DUSP5: variants seen among roughly 807,000 people sequenced by gnomAD.
DUSP5 encodes dual specificity protein phosphatase 5.
In DUSP5, 22 loss-of-function variants were observed where a neutral mutation model predicts 33.6. The ratio of observed to expected loss-of-function variants is 0.66; its 90% CI spans 0.47 to 0.94. The LOEUF (loss-of-function observed/expected upper bound fraction) is 0.94, where lower values mean the gene tolerates loss of function less well. Among genes scored for constraint, DUSP5 ranks in the 40% least tolerant of loss-of-function variants. DUSP5 has a pLI of 0.00. For synonymous variants in DUSP5, 270 were observed against 231.1 expected (o/e 1.17, Z -1.53); for missense variants, 551 against 522.1 (o/e 1.06, Z -0.54).
Position 110,498,526 on chromosome 10 carries a change from C to T in DUSP5, c.379+26C>T, listed in dbSNP as rs771206557. The T allele has an allele frequency of 2.8e-6, 4 of 1,440,452 alleles. No homozygotes were observed. The South Asian group carries it at 5.6e-5, about 20-fold the overall frequency. The allele number at this position is 1,440,452 out of a possible 1,614,324, so 89.2% of individuals were successfully genotyped here. ...GTGAGCGCTCGGGGTCCCTGCCACG[C>T]TCGCCCCTCCGGCGCCCCCGGGTCC... is the stretch of plus-strand genomic sequence containing the variant. On this transcript the variant is annotated intron_variant, in intron 1 of 3. Transcript: ENST00000369583.
chr10:110,510,027 C>G lies in DUSP5; in HGVS notation c.756C>G (p.Val252=). 6.3e-7 allele frequency: 1 copy of G among 1,595,520 alleles called. No homozygotes were observed. The highest frequency in any genetic ancestry group is 8.6e-7 in the Non-Finnish European group (1 of 1,167,284). ...ATCTTTTCTTCCTTCCAGACTGTGT[C>G]AGGGAAAAGGGAGGCAAGGTCCTGG... is the stretch of plus-strand genomic sequence containing the variant. ...FQEAIDFIDC[V]REKGGKVLVH... Residue 252 remains valine (V), a synonymous_variant, in exon 4 of 4, where the codon GTC becomes GTG. Transcript: ENST00000369583.
chr10:110,499,450 G>A (rs1860011315), intron 1 of DUSP5, among the ~76,000 whole-genome samples: 2 of 152,216 alleles, frequency 1.3e-5, no homozygotes, highest in African/African-American at 4.8e-5. Context: ...AGAGATGAGG[G>A]TTTAGCCCCA....
chr10:110,504,370 C>T (rs185792953), intron 2 of DUSP5, among the ~76,000 whole-genome samples: 2 of 152,272 alleles, frequency 1.3e-5, no homozygotes, highest in South Asian at 2.1e-4. Flanking sequence ...TTGGCTTCTT[C>T]CTCTTGGTCT....
chr10:110,502,337 C>G (rs757575426), intron 1 of DUSP5, among the ~76,000 whole-genome samples: 5 of 152,180 alleles, frequency 3.3e-5, no homozygotes, highest in Non-Finnish European at 5.9e-5. Flanking sequence ...CCTGTCTTCT[C>G]GCCAATTAAT....
chr10:110,505,537 G>A (rs1050488213), intron 2 of DUSP5, among the ~76,000 whole-genome samples: 1 of 152,200 alleles, frequency 6.6e-6, no homozygotes, highest in African/African-American at 2.4e-5. Context: ...CGGGTGTGGG[G>A]TAAATTGAGA....
In DUSP5 at chr10:110,498,401, C is replaced by A. The variant is rs1258482062; in HGVS notation, c.280C>A (p.Arg94Ser). 2 of 1,514,558 alleles carry A rather than the reference C, an allele frequency of 1.3e-6. No homozygotes were observed. Among genetic ancestry groups the A allele is most frequent in the African/African-American group, 1.4e-5 (1 of 70,008 alleles). The allele number at this position is 1,514,558 out of a possible 1,614,324, so 93.8% of individuals were successfully genotyped here. Reference sequence around the variant, plus strand: ...CGTGGTGGTGCTGGACCAGGGCAGCCGCCACTGGCAGAAGCTGCGAGAGGA... The same window carrying A: ...CGTGGTGGTGCTGGACCAGGGCAGCAGCCACTGGCAGAAGCTGCGAGAGGA... ...AAVVVLDQGSRHWQKLREESA... is the reference protein window; with the variant it reads ...AAVVVLDQGSSHWQKLREESA... Residue 94 changes from arginine to serine, a missense_variant, in exon 1 of 4, where the codon CGC becomes AGC. Transcript: ENST00000369583.
rs377566700 is a variant in DUSP5 at position 110,502,818 on chromosome 10, C to G, written c.477C>G (p.Ser159Arg). Residue 159 changes from serine (S) to arginine (R), a missense_variant, in exon 2 of 4, where the codon AGC becomes AGG. Coordinates refer to ENST00000369583, the MANE Select transcript of DUSP5 (RefSeq NM_004419.4). ...EKIESERALI[S>R]QCGKPVVNVS... ...TTGAGAGTGAGAGAGCCCTCATCAGCCAGTGTGGAAAACCAGTGGTAAATG... is the reference window on the plus strand; with the variant it reads ...TTGAGAGTGAGAGAGCCCTCATCAGGCAGTGTGGAAAACCAGTGGTAAATG... The G allele has an allele frequency of 5.6e-6, 9 of 1,614,116 alleles. No homozygotes were observed. Among genetic ancestry groups the G allele is most frequent in the Non-Finnish European group, 7.6e-6 (9 of 1,180,020 alleles).
At chr10:110,504,784 C>T (rs1157526742) in intron 2 of DUSP5, among the ~76,000 whole-genome samples, 1 of 152,230 alleles carries the variant, frequency 6.6e-6, no homozygotes, top group African/African-American at 2.4e-5. Flanking sequence ...GTTCATTCTT[C>T]AATCTCTATG....
intron 2 of DUSP5, among the ~76,000 whole-genome samples, chr10:110,506,471 A>G (rs1199453284): frequency 6.6e-6 from 1 of 152,152 alleles, no homozygotes; most frequent in African/African-American, 2.4e-5. Flanking sequence ...TAAAATGTCA[A>G]GGCTGTAAAG....
chr10:110,504,426 T>G (rs1199139130), intron 2 of DUSP5, among the ~76,000 whole-genome samples: 30 of 152,186 alleles, frequency 2.0e-4, no homozygotes, highest in Admixed American at 2.0e-3. Context: ...CAGGGGTGTG[T>G]TGGGCTGAGC....
intron 1 of DUSP5, among the ~76,000 whole-genome samples, chr10:110,499,450 G>T (rs1860011315): frequency 6.6e-6 from 1 of 152,334 alleles, no homozygotes; most frequent in South Asian, 2.1e-4. Context: ...AGAGATGAGG[G>T]TTTAGCCCCA....
In DUSP5 at chr10:110,498,129, T is replaced by A; in HGVS notation, c.8T>A (p.Val3Asp). ...GCCGGCGGCGGCGGCGGCATGAAGGTCACGTCGCTCGACGGGCGCCAGCTG... is the reference window on the plus strand; with the variant it reads ...GCCGGCGGCGGCGGCGGCATGAAGGACACGTCGCTCGACGGGCGCCAGCTG... MK[V>D]TSLDGRQLRK... Residue 3 changes from valine (V) to aspartate (D), a missense_variant, in exon 1 of 4, where the codon GTC becomes GAC. Val to Asp is a radical substitution (Grantham distance 152). Around this residue, in one of 3 missense-constraint regions of DUSP5, gnomAD observed 381 missense variants for 310.4 expected, o/e 1.23. Coordinates refer to ENST00000369583, the MANE Select transcript of DUSP5 (RefSeq NM_004419.4). The A allele has an allele frequency of 7.0e-7, 1 of 1,427,334 alleles. No homozygotes were observed. The highest frequency in any genetic ancestry group is 9.2e-7 in the Non-Finnish European group (1 of 1,083,660). The allele number at this position is 1,427,334 out of a possible 1,614,324, so 88.4% of individuals were successfully genotyped here.
chr10:110,509,918 A>T, intron 3 of DUSP5, 102 bp from the exon 4 acceptor site: 1 of 1,460,492 alleles, frequency 6.8e-7, no homozygotes, highest in African/African-American at 1.4e-5. Context: ...GGCAGGCACA[A>T]CAGTTTCATA....
Position 110,507,012 on chromosome 10 carries a change from C to T in DUSP5, c.606C>T (p.Asn202=), listed in dbSNP as rs1280754036. The T allele has an allele frequency of 6.2e-6, 10 of 1,614,184 alleles. No individual in the cohort carries two copies. The highest frequency in any genetic ancestry group is 1.1e-5 in the South Asian group (1 of 91,096). The part of the protein sequence containing the change: ...YHASKCEFLA[N]LHITALLNVS... The stretch of plus-strand genomic sequence containing the variant: ...CATCCAAGTGCGAGTTCCTCGCCAA[C>T]CTGCACATCACAGCCCTGCTGAATG... The change falls in exon 3 of 4, where the codon AAC becomes AAT. Residue 202 remains asparagine, a synonymous_variant. Coordinates refer to ENST00000369583, the MANE Select transcript of DUSP5 (RefSeq NM_004419.4).
At chr10:110,504,891 T>C (rs970253689) in intron 2 of DUSP5, among the ~76,000 whole-genome samples, 4 of 152,354 alleles carry the variant, frequency 2.6e-5, no homozygotes, top group Non-Finnish European at 4.4e-5. Flanking sequence ...ATCCCCAGTT[T>C]AGAGACAAAG....
intron 1 of DUSP5, among the ~76,000 whole-genome samples, chr10:110,498,899 C>T (rs1446925946): frequency 6.6e-6 from 1 of 152,118 alleles, no homozygotes; most frequent in Non-Finnish European, 1.5e-5. Context: ...CAGCAGGTCG[C>T]GATCCACTCT....
intron 3 of DUSP5, among the ~76,000 whole-genome samples, chr10:110,509,591 A>G (rs1436514121): frequency 6.6e-6 from 1 of 152,214 alleles, no homozygotes; most frequent in East Asian, 1.9e-4. Context: ...TGCTCTCCTT[A>G]GAAAAATGTA....
chr10:110,505,575 G>A (rs575931028), intron 2 of DUSP5, among the ~76,000 whole-genome samples: 3 of 152,292 alleles, frequency 2.0e-5, no homozygotes, highest in South Asian at 2.1e-4. Context: ...CCTGTCCCAC[G>A]CACCCTTCCC....
chr10:110,502,902 G>C, intron 2 of DUSP5, 33 bp downstream of exon 2: 1 of 1,612,658 alleles, frequency 6.2e-7, no homozygotes, highest in South Asian at 1.1e-5. Flanking sequence ...GGTATCCTGA[G>C]TGGTATTCTG....
Sources: gnomAD v4.1 joint callset for allele counts (sites outside exome capture counted in the v4.1 genomes callset) on GRCh38, gnomAD v4.1.1 for gene constraint, gnomAD v4.1.1 regional missense constraint, MANE v1.5 for transcripts, NCBI Gene and HGNC (gene_info 2026-07-23, HGNC 2026-07-21) for gene names.